Variants in ETV6 observed in about 807,000 individuals in gnomAD.
ETV6 encodes transcription factor ETV6.
A neutral mutation model predicts 51.1 loss-of-function variants in ETV6; 16 were observed. That is an observed-to-expected ratio of 0.31 (90% CI 0.21 to 0.48). The LOEUF (loss-of-function observed/expected upper bound fraction) is 0.48, where lower values mean the gene tolerates loss of function less well. Ranked by LOEUF, ETV6 falls within the 20% of genes least tolerant of loss-of-function variation. The pLI, the probability that ETV6 is intolerant of heterozygous loss-of-function variation, is 0.99. For synonymous variants in ETV6, 240 were observed against 224.1 expected (o/e 1.07, Z -0.64); for missense variants, 458 against 594.8 (o/e 0.77, Z 2.39).
intron 2 of ETV6, among the ~76,000 whole-genome samples, chr12:11,795,504 G>A (rs569178890): frequency 1.3e-5 from 2 of 152,334 alleles, no homozygotes; most frequent in African/African-American, 4.8e-5. Context: ...TCATCATTGG[G>A]AACCATGATA....
chr12:11,653,854 C>T (rs1016068988), intron 1 of ETV6, among the ~76,000 whole-genome samples: 3 of 152,038 alleles, frequency 2.0e-5, no homozygotes, highest in African/African-American at 7.3e-5. Context: ...CGCTCTGTCG[C>T]CAGACTGGAG....
intron 2 of ETV6, among the ~76,000 whole-genome samples, chr12:11,765,723 A>T (rs993480074): frequency 6.6e-6 from 1 of 151,922 alleles, no homozygotes; most frequent in Non-Finnish European, 1.5e-5. Flanking sequence ...CATGGGGAAA[A>T]AAAAAACCAC....
intron 1 of ETV6, among the ~76,000 whole-genome samples, chr12:11,739,563 C>G (rs889413744): frequency 1.3e-5 from 2 of 152,150 alleles, no homozygotes; most frequent in Non-Finnish European, 2.9e-5. Flanking sequence ...TTTATGAACT[C>G]TAAATACAGA....
At chr12:11,811,296 G>A (rs1945908762) in intron 2 of ETV6, among the ~76,000 whole-genome samples, 1 of 152,224 alleles carries the variant, frequency 6.6e-6, no homozygotes, top group Admixed American at 6.5e-5. Context: ...GAAAAGGAAA[G>A]GCTGTTTAGC....
intron 1 of ETV6, among the ~76,000 whole-genome samples, chr12:11,742,475 T>A (rs551310212): frequency 3.0e-4 from 45 of 152,204 alleles, no homozygotes; most frequent in South Asian, 8.3e-4. Context: ...CTGGAAAAAA[T>A]TTTTTTAAAG....
chr12:11,813,850 G>C (rs983546562), intron 2 of ETV6, among the ~76,000 whole-genome samples: 1 of 151,968 alleles, frequency 6.6e-6, no homozygotes, highest in African/African-American at 2.4e-5. Flanking sequence ...GTGGACATAG[G>C]ATTAACCACA....
At chr12:11,660,874 G>A (rs890408884) in intron 1 of ETV6, among the ~76,000 whole-genome samples, 2 of 152,190 alleles carry the variant, frequency 1.3e-5, no homozygotes, top group African/African-American at 4.8e-5. Context: ...GGCACCCAAA[G>A]GGACAGAGGT....
chr12:11,849,499 C>G (rs188789734), intron 3 of ETV6, among the ~76,000 whole-genome samples: 1 of 152,148 alleles, frequency 6.6e-6, no homozygotes, highest in Admixed American at 6.5e-5. Flanking sequence ...GGCTGGGTGT[C>G]GAGGAATGAA....
At chr12:11,741,980 C>G (rs549083213) in intron 1 of ETV6, among the ~76,000 whole-genome samples, 1 of 152,304 alleles carries the variant, frequency 6.6e-6, no homozygotes, top group East Asian at 1.9e-4. Flanking sequence ...CCAGGTGATT[C>G]TAATACACAG....
intron 1 of ETV6, among the ~76,000 whole-genome samples, chr12:11,685,073 A>G (rs958498622): frequency 1.3e-5 from 2 of 152,298 alleles, no homozygotes; most frequent in South Asian, 2.1e-4. Flanking sequence ...CCCAGGGGAC[A>G]GTGTCCTAAG....
intron 1 of ETV6, among the ~76,000 whole-genome samples, chr12:11,673,022 G>T (rs1026709456): frequency 6.6e-6 from 1 of 152,206 alleles, no homozygotes; most frequent in East Asian, 1.9e-4. Flanking sequence ...CTTTCCAGAC[G>T]AAATCTGGCA....
At chr12:11,861,180 G>C (rs1031864522) in intron 4 of ETV6, among the ~76,000 whole-genome samples, 3 of 152,094 alleles carry the variant, frequency 2.0e-5, no homozygotes, top group Non-Finnish European at 4.4e-5. Context: ...TGGGATTCTT[G>C]AATCTGGCAG....
At chr12:11,796,546 C>T (rs1945678868) in intron 2 of ETV6, among the ~76,000 whole-genome samples, 1 of 152,108 alleles carries the variant, frequency 6.6e-6, no homozygotes, top group Non-Finnish European at 1.5e-5. Context: ...CCAGCCCTCC[C>T]AAGTGTTTAG....
In ETV6 at chr12:11,891,443, T is replaced by C. The variant is rs1241686529; in HGVS notation, c.*397T>C. 2 of 377,174 alleles carry C rather than the reference T, an allele frequency of 5.3e-6. No individual in the cohort carries two copies. Among genetic ancestry groups the C allele is most frequent in the Non-Finnish European group, 9.9e-6 (2 of 202,988 alleles). The allele number at this position is 377,174 out of a possible 1,614,324, so 23.4% of individuals were successfully genotyped here. A position where few individuals can be genotyped will look rare whatever the true frequency, so the allele number is the denominator to read the frequency against. ...GAAGACATCTGATGTTGTTTTCCTA[T>C]GGAAATATATATCTATTATATATAT... On this transcript the variant is annotated 3_prime_UTR_variant, in exon 8 of 8. Transcript: ENST00000396373.
In ETV6 at chr12:11,891,732, C is replaced by T. The variant is rs1055664099; in HGVS notation, c.*686C>T. 1 of 423,110 alleles carries T rather than the reference C, an allele frequency of 2.4e-6. No individual in the cohort carries two copies. 26.2% of individuals were successfully genotyped at this position (423,110 alleles called of 1,614,324 possible). The stretch of plus-strand genomic sequence containing the variant: ...CAGTTGAGATTCAGATGCCTTCTGA[C>T]AGAGTTCAGCCTCTTGGAGAGTCTT... On this transcript the variant is annotated 3_prime_UTR_variant, in exon 8 of 8. Transcript: ENST00000396373.
intron 5 of ETV6, among the ~76,000 whole-genome samples, chr12:11,878,749 A>G (rs1273735946): frequency 6.6e-6 from 1 of 151,222 alleles, no homozygotes; most frequent in Non-Finnish European, 1.5e-5. Context: ...TCTGCGTATC[A>G]ACACACACCT....
chr12:11,760,878 A>ATGTATG (rs1555125117), intron 2 of ETV6, among the ~76,000 whole-genome samples: 21 of 148,524 alleles, frequency 1.4e-4, no homozygotes, highest in South Asian at 2.1e-4. Context: ...TATTATATAT[A>ATGTATG]TGTGTGTGTG....
In ETV6 at chr12:11,883,294, T is replaced by C. The variant is rs1333746681; in HGVS notation, c.1010-1151T>C. 9.0e-3 allele frequency among the ~76,000 whole-genome samples: 1,169 copies of C among 129,262 alleles called. 50 individuals are homozygous for C. The highest frequency in any genetic ancestry group is 0.044 in the East Asian group (192 of 4,406). The allele number at this position is 129,262 out of a possible 152,430, so 84.8% of individuals were successfully genotyped here. A position where few individuals can be genotyped will look rare whatever the true frequency, so the allele number is the denominator to read the frequency against. On this transcript the variant is annotated intron_variant, in intron 5 of 7. Transcript: ENST00000396373. ...TCTTCTTCTTTTTTTTTTTTTTTTT[T>C]TTTTTTTTTTTTTTTTTGAGACTGA...
At chr12:11,877,260 G>T (rs1308724410) in intron 5 of ETV6, among the ~76,000 whole-genome samples, 1 of 150,792 alleles carries the variant, frequency 6.6e-6, no homozygotes, top group East Asian at 2.0e-4. Context: ...CTCCCACAGT[G>T]TTTAATGCTG....
Sources: allele counts gnomAD v4.1 joint callset (sites outside exome capture counted in the v4.1 genomes callset), GRCh38; gene constraint gnomAD v4.1.1; transcripts MANE v1.5; gene names NCBI Gene and HGNC (gene_info 2026-07-23, HGNC 2026-07-21).